DOK6: variants seen among roughly 807,000 people sequenced by gnomAD.
DOK6 encodes the protein downstream of tyrosine kinase 6.
DOK6 carries 22 observed loss-of-function variants against 44.0 expected under a neutral mutation model. That is an observed-to-expected ratio of 0.50 (90% CI 0.36 to 0.71). The LOEUF (loss-of-function observed/expected upper bound fraction) is 0.71. Ranked by LOEUF, DOK6 falls within the 30% of genes least tolerant of loss-of-function variation. The probability of loss-of-function intolerance (pLI) is 0.00; values close to 1 mark genes in which losing one functional copy is unlikely to be tolerated. For synonymous variants in DOK6, 166 were observed against 145.5 expected, an observed-to-expected ratio of 1.14 and a Z score of -1.01; for missense variants, 340 against 416.4, an observed-to-expected ratio of 0.82 and a Z score of 1.60.
At chr18:69,425,340 G>A (rs541210787) in intron 1 of DOK6, among the ~76,000 whole-genome samples, 8 of 151,974 alleles carry the variant, frequency 5.3e-5, no homozygotes, top group African/African-American at 1.4e-4. Context: ...CATTTAAAAA[G>A]CCACCTTGTT....
At chr18:69,413,236 T>C (rs1049221514) in intron 1 of DOK6, among the ~76,000 whole-genome samples, 1 of 152,106 alleles carries the variant, frequency 6.6e-6, no homozygotes, top group African/African-American at 2.4e-5. Flanking sequence ...CAATTAAGTT[T>C]TAAAATATCT....
chr18:69,406,240 A>C (rs1390392538), intron 1 of DOK6, among the ~76,000 whole-genome samples: 1 of 152,214 alleles, frequency 6.6e-6, no homozygotes, highest in African/African-American at 2.4e-5. Context: ...ATTTTGCATT[A>C]TCTTCAACTG....
chr18:69,619,272 GA>G (rs1984385176), intron 3 of DOK6, among the ~76,000 whole-genome samples: 1 of 152,170 alleles, frequency 6.6e-6, no homozygotes, highest in East Asian at 1.9e-4. Flanking sequence ...ACACAGAACT[GA>G]AAGCTTTCAG....
At chr18:69,820,335 C>G (rs4629073) in intron 7 of DOK6, among the ~76,000 whole-genome samples, 9 of 152,208 alleles carry the variant, frequency 5.9e-5, no homozygotes, top group Middle Eastern at 6.8e-3. Flanking sequence ...TGCAAACTTA[C>G]TCAATCTCTG....
chr18:69,757,686 A>C, intron 6 of DOK6, 70 bp from the exon 7 acceptor site: 1 of 1,287,262 alleles, frequency 7.8e-7, no homozygotes, highest in Non-Finnish European at 1.1e-6. Context: ...TTAACCCTGA[A>C]TATTTAGAAG....
intron 4 of DOK6, among the ~76,000 whole-genome samples, chr18:69,693,500 T>G (rs921534620): frequency 1.3e-5 from 2 of 152,134 alleles, no homozygotes; most frequent in African/African-American, 2.4e-5. Context: ...TATTTCTACT[T>G]AGTATAAGGG....
At chr18:69,774,133 G>GATATATATAGATATAGATATAT (rs1555670144) in intron 7 of DOK6, among the ~76,000 whole-genome samples, 1 of 66,866 alleles carries the variant, frequency 1.5e-5, no homozygotes, top group East Asian at 6.9e-4. Context: ...ATATATATGA[G>GATATATATAGATATAGATATAT]ATATATATAT....
At chr18:69,606,079 C>A (rs9973145) in intron 3 of DOK6, among the ~76,000 whole-genome samples, 4,694 of 151,926 alleles carry the variant, frequency 0.031, 223 homozygotes, top group African/African-American at 0.11. Flanking sequence ...CAGGATCATC[C>A]CAGGCAACAT....
intron 2 of DOK6, among the ~76,000 whole-genome samples, chr18:69,571,132 A>T (rs1359464912): frequency 1.3e-5 from 2 of 152,018 alleles, no homozygotes; most frequent in African/African-American, 4.8e-5. Flanking sequence ...CCATTGTAAG[A>T]TTTTCATGGC....
At chr18:69,534,434 C>G (rs1447442258) in intron 1 of DOK6, among the ~76,000 whole-genome samples, 9 of 152,010 alleles carry the variant, frequency 5.9e-5, no homozygotes, top group Non-Finnish European at 1.3e-4. Context: ...ATAATTGTTT[C>G]CCATCTAAGA....
At chr18:69,787,584 A>C (rs559893960) in intron 7 of DOK6, among the ~76,000 whole-genome samples, 1 of 152,310 alleles carries the variant, frequency 6.6e-6, no homozygotes, top group African/African-American at 2.4e-5. Flanking sequence ...ATATGTTGAT[A>C]CAGTTTTTTT....
intron 5 of DOK6, among the ~76,000 whole-genome samples, chr18:69,714,735 G>A (rs1421149470): frequency 6.6e-6 from 1 of 152,056 alleles, no homozygotes; most frequent in Non-Finnish European, 1.5e-5. Context: ...AATTTTGCAA[G>A]GCAATTCACC....
chr18:69,683,888 A>G (rs936705736), intron 4 of DOK6, among the ~76,000 whole-genome samples: 1 of 152,052 alleles, frequency 6.6e-6, no homozygotes, highest in Non-Finnish European at 1.5e-5. Flanking sequence ...CATTTCCCAA[A>G]CTCACGTGAC....
chr18:69,681,706 C>A (rs895241793), intron 4 of DOK6, among the ~76,000 whole-genome samples: 1 of 152,116 alleles, frequency 6.6e-6, no homozygotes, highest in Non-Finnish European at 1.5e-5. Context: ...CTATACTGAC[C>A]ATAAAAAATA....
chr18:69,821,840 C>T (rs1981583886), intron 7 of DOK6, among the ~76,000 whole-genome samples: 2 of 150,704 alleles, frequency 1.3e-5, no homozygotes, highest in Admixed American at 6.6e-5. Flanking sequence ...AAAACAATAG[C>T]AACAACAAAA....
intron 1 of DOK6, among the ~76,000 whole-genome samples, chr18:69,471,122 G>A (rs564918889): frequency 6.7e-6 from 1 of 150,244 alleles, no homozygotes; most frequent in Non-Finnish European, 1.5e-5. Flanking sequence ...GGTGGCATAT[G>A]CCTGTAATCC....
chr18:69,552,960 AT>A (rs1982601879), intron 1 of DOK6, among the ~76,000 whole-genome samples: 1 of 152,204 alleles, frequency 6.6e-6, no homozygotes, highest in South Asian at 2.1e-4. Context: ...TGCTAGCAAT[AT>A]TTTTCTCTGG....
At chr18:69,650,154 G>A (rs1267655759) in intron 3 of DOK6, among the ~76,000 whole-genome samples, 1 of 152,004 alleles carries the variant, frequency 6.6e-6, no homozygotes, top group African/African-American at 2.4e-5. Flanking sequence ...TGTCTAACAA[G>A]AATTTGTGAA....
At chr18:69,530,767 A>G (rs1981962539) in intron 1 of DOK6, among the ~76,000 whole-genome samples, 1 of 152,148 alleles carries the variant, frequency 6.6e-6, no homozygotes, top group South Asian at 2.1e-4. Context: ...AGTTCTGTAG[A>G]TGTCTATTAG....
Sources: gnomAD v4.1 joint callset for allele counts (sites outside exome capture counted in the v4.1 genomes callset) on GRCh38, gnomAD v4.1.1 for gene constraint, MANE v1.5 for transcripts, NCBI Gene and HGNC (gene_info 2026-07-23, HGNC 2026-07-21) for gene names.